ELOVL6: variants seen among roughly 807,000 people sequenced by gnomAD.
The protein encoded by ELOVL6 is ELOVL fatty acid elongase 6, also known as very long chain fatty acid elongase 6.
Under a neutral mutation model 31.7 loss-of-function variants are expected in ELOVL6, and 8 were observed. The observed-to-expected ratio is 0.25, with a 90% CI of 0.15 to 0.45. The LOEUF is 0.45. Ranked by LOEUF, ELOVL6 falls within the 20% of genes least tolerant of loss-of-function variation. The pLI, the probability that ELOVL6 is intolerant of heterozygous loss-of-function variation, is 1.00. For synonymous variants in ELOVL6, 101 were observed against 117.7 expected (o/e 0.86, Z 0.92); for missense variants, 126 against 326.4 (o/e 0.39, Z 4.73).
At chr4:110,150,181 G>C (rs1758241840) in intron 1 of ELOVL6, among the ~76,000 whole-genome samples, 1 of 152,112 alleles carries the variant, frequency 6.6e-6, no homozygotes, top group Non-Finnish European at 1.5e-5. Context: ...CAAAGTGCTG[G>C]AATTACAGGT....
intron 2 of ELOVL6, chr4:110,093,137 G>A: frequency 2.2e-6 from 1 of 451,394 alleles, no homozygotes; most frequent in Admixed American, 2.4e-5. Context: ...TATAGCACCT[G>A]TAATGCAAAG....
chr4:110,152,467 G>T (rs543506767), intron 1 of ELOVL6, among the ~76,000 whole-genome samples: 4 of 152,288 alleles, frequency 2.6e-5, no homozygotes, highest in South Asian at 4.1e-4. Flanking sequence ...AAGAACAAAG[G>T]GTTCTCTCAG....
At position 110,113,971 on chromosome 4, in the gene ELOVL6, C is replaced by G. The variant is rs553498829; in HGVS notation, c.90-8343G>C. Among the ~76,000 whole-genome samples, 3 of 152,220 alleles carry G rather than the reference C, an allele frequency of 2.0e-5. No homozygotes were observed. The East Asian group carries it at 5.8e-4, about 29-fold the overall frequency. ...TATTTCAAAATATAATAATGATGAG[C>G]CAGGCATGATGGCATGCACCTGTAG... On this transcript the variant is annotated intron_variant, in intron 1 of 3. Coordinates refer to ENST00000302274, the MANE Select transcript of ELOVL6 (RefSeq NM_024090.3).
At chr4:110,094,461 T>G (rs1470684411) in intron 2 of ELOVL6, among the ~76,000 whole-genome samples, 4 of 125,592 alleles carry the variant, frequency 3.2e-5, no homozygotes, top group Non-Finnish European at 6.7e-5. Context: ...TAACATAATA[T>G]ATATTACATA....
intron 1 of ELOVL6, among the ~76,000 whole-genome samples, chr4:110,167,976 G>C (rs555596176): frequency 6.6e-6 from 1 of 152,040 alleles, no homozygotes; most frequent in African/African-American, 2.4e-5. Flanking sequence ...TTGTATTTTT[G>C]ATATATAATT....
chr4:110,158,217 T>C (rs1758510199), intron 1 of ELOVL6, among the ~76,000 whole-genome samples: 1 of 152,184 alleles, frequency 6.6e-6, no homozygotes, highest in Admixed American at 6.6e-5. Flanking sequence ...AGTTCATCTT[T>C]CCACATCACT....
chr4:110,107,922 C>A (rs977161423), intron 1 of ELOVL6, among the ~76,000 whole-genome samples: 2 of 152,194 alleles, frequency 1.3e-5, no homozygotes, highest in African/African-American at 4.8e-5. Context: ...CATAAATAAA[C>A]AGGCTTAGAG....
chr4:110,065,469 C>T (rs1020521220), intron 2 of ELOVL6, among the ~76,000 whole-genome samples: 3 of 152,028 alleles, frequency 2.0e-5, no homozygotes, highest in East Asian at 3.9e-4. Context: ...TCTACAAATG[C>T]GAAAATTAGC....
intron 1 of ELOVL6, among the ~76,000 whole-genome samples, chr4:110,122,002 C>A (rs1223830548): frequency 6.6e-6 from 1 of 152,106 alleles, no homozygotes; most frequent in African/African-American, 2.4e-5. Flanking sequence ...CAGCCGTATA[C>A]CCTTGACTGC....
intron 1 of ELOVL6, among the ~76,000 whole-genome samples, chr4:110,122,087 T>G (rs1200953081): frequency 2.6e-5 from 4 of 152,222 alleles, no homozygotes; most frequent in African/African-American, 9.7e-5. Flanking sequence ...CCACTTAGAC[T>G]GACTTATTCT....
chr4:110,114,508 A>G (rs1018323526), intron 1 of ELOVL6, among the ~76,000 whole-genome samples: 1 of 152,180 alleles, frequency 6.6e-6, no homozygotes, highest in Non-Finnish European at 1.5e-5. Flanking sequence ...TACTAAATGT[A>G]GAAATAATGA....
At chr4:110,144,819 T>G (rs977340109) in intron 1 of ELOVL6, among the ~76,000 whole-genome samples, 1 of 152,116 alleles carries the variant, frequency 6.6e-6, no homozygotes, top group Admixed American at 6.5e-5. Flanking sequence ...GAAGAGGATG[T>G]TTGCCAAGAA....
At chr4:110,078,518 A>G (rs1416255574) in intron 2 of ELOVL6, among the ~76,000 whole-genome samples, 2 of 152,134 alleles carry the variant, frequency 1.3e-5, no homozygotes, top group South Asian at 2.1e-4. Context: ...GAAATAAAAT[A>G]CTTTACAGAC....
At chr4:110,188,547 G>A (rs554723797) in intron 1 of ELOVL6, among the ~76,000 whole-genome samples, 48 of 151,936 alleles carry the variant, frequency 3.2e-4, no homozygotes, top group Admixed American at 2.8e-3. Context: ...GTTGTCCATC[G>A]TGCAAAAGAT....
chr4:110,057,776 G>A (rs528450690), intron 3 of ELOVL6, among the ~76,000 whole-genome samples: 3 of 150,938 alleles, frequency 2.0e-5, no homozygotes, highest in East Asian at 2.0e-4. Flanking sequence ...GTTTGAACCC[G>A]GGACACGGAG....
At chr4:110,162,410 A>G (rs1758655794) in intron 1 of ELOVL6, among the ~76,000 whole-genome samples, 1 of 152,194 alleles carries the variant, frequency 6.6e-6, no homozygotes, top group African/African-American at 2.4e-5. Context: ...CAGTGGCGCA[A>G]TCACAGCTCA....
intron 2 of ELOVL6, among the ~76,000 whole-genome samples, chr4:110,100,453 T>G (rs1045834304): frequency 2.0e-5 from 3 of 152,184 alleles, no homozygotes; most frequent in Non-Finnish European, 4.4e-5. Context: ...CCCATCACTT[T>G]TTGAAATAGA....
At chr4:110,056,920 A>G (rs1370418922) in intron 3 of ELOVL6, among the ~76,000 whole-genome samples, 1 of 152,170 alleles carries the variant, frequency 6.6e-6, no homozygotes, top group African/African-American at 2.4e-5. Context: ...AAGACAGGTG[A>G]TATTAACATC....
intron 2 of ELOVL6, among the ~76,000 whole-genome samples, chr4:110,101,083 A>G (rs1397967545): frequency 6.6e-6 from 1 of 152,228 alleles, no homozygotes; most frequent in East Asian, 1.9e-4. Context: ...TCTGTAGTCC[A>G]GGCTGGAGTG....
Sources: allele counts gnomAD v4.1 joint callset (sites outside exome capture counted in the v4.1 genomes callset), GRCh38; gene constraint gnomAD v4.1.1; transcripts MANE v1.5; gene names NCBI Gene and HGNC (gene_info 2026-07-23, HGNC 2026-07-21).